The following TENM2 variants were observed in gnomAD, a reference collection of about 807,000 sequenced individuals.
The protein encoded by TENM2 is teneurin-2.
A neutral mutation model predicts 245.2 loss-of-function variants in TENM2; 52 were observed. That is an observed-to-expected ratio of 0.21 (90% CI 0.17 to 0.27). The LOEUF (loss-of-function observed/expected upper bound fraction) is 0.27. Among genes scored for constraint, TENM2 ranks in the 10% least tolerant of loss-of-function variants. The pLI, the probability that TENM2 is intolerant of heterozygous loss-of-function variation, is 1.00. For synonymous variants in TENM2, 1,363 were observed against 1,438.9 expected (o/e 0.95, Z 1.19); for missense variants, 3,046 against 3,666.8 (o/e 0.83, Z 4.37).
chr5:167,894,682 C>A (rs2151479712), intron 3 of TENM2, among the ~76,000 whole-genome samples: 1 of 152,212 alleles, frequency 6.6e-6, no homozygotes. Flanking sequence ...GTGCCCTGCA[C>A]TTAGTATGCA....
chr5:167,610,654 T>C (rs1777420170), intron 2 of TENM2, among the ~76,000 whole-genome samples: 1 of 152,216 alleles, frequency 6.6e-6, no homozygotes. Flanking sequence ...GCTAGAGTGA[T>C]AAGCTTGAGA....
the TENM2 span, among the ~76,000 whole-genome samples, chr5:167,013,299 C>T: frequency 6.6e-6 from 1 of 152,094 alleles, no homozygotes; most frequent in Non-Finnish European, 1.5e-5. Context: ...TACTAATAAT[C>T]AAAACGGGCC....
chr5:167,079,395 C>T, the TENM2 span, among the ~76,000 whole-genome samples: 9 of 150,488 alleles, frequency 6.0e-5, no homozygotes, highest in Non-Finnish European at 1.5e-5. Context: ...CTCACTGCAA[C>T]CTCCGCCTCC....
At chr5:167,719,157 G>A (rs192103467) in intron 2 of TENM2, among the ~76,000 whole-genome samples, 19 of 152,310 alleles carry the variant, frequency 1.2e-4, no homozygotes, top group South Asian at 6.2e-4. Flanking sequence ...AAGTAGATGA[G>A]AAGAAGGAAA....
At chr5:167,864,359 C>T (rs1374229894) in intron 2 of TENM2, among the ~76,000 whole-genome samples, 1 of 152,198 alleles carries the variant, frequency 6.6e-6, no homozygotes, top group Non-Finnish European at 1.5e-5. Context: ...TCAGAAAGTC[C>T]TGTAAGGGGA....
chr5:168,084,429 C>T (rs1200749676), intron 7 of TENM2, among the ~76,000 whole-genome samples: 4 of 152,284 alleles, frequency 2.6e-5, no homozygotes, highest in South Asian at 2.1e-4. Flanking sequence ...TTGTTTTTGA[C>T]TTTTTAATGG....
At chr5:166,997,130 G>T in the TENM2 span, among the ~76,000 whole-genome samples, 1 of 152,114 alleles carries the variant, frequency 6.6e-6, no homozygotes, top group Non-Finnish European at 1.5e-5. Context: ...CCCAGGGCTG[G>T]GATTAGAAAA....
At chr5:167,654,761 G>A (rs1361750332) in intron 2 of TENM2, among the ~76,000 whole-genome samples, 1 of 151,944 alleles carries the variant, frequency 6.6e-6, no homozygotes, top group Non-Finnish European at 1.5e-5. Flanking sequence ...ATGGAATATG[G>A]GGTAGTGAAT....
the TENM2 span, among the ~76,000 whole-genome samples, chr5:167,085,241 T>C: frequency 7.2e-5 from 11 of 152,292 alleles, no homozygotes; most frequent in East Asian, 7.7e-4. Flanking sequence ...AAAGCAAAGA[T>C]GCTGAAATAG....
At chr5:167,779,492 C>T (rs989705011) in intron 2 of TENM2, among the ~76,000 whole-genome samples, 7 of 152,144 alleles carry the variant, frequency 4.6e-5, no homozygotes, top group Non-Finnish European at 1.5e-5. Context: ...TCCCAAAATG[C>T]ACTTCTATGG....
chr5:168,245,430 A>G (rs1191345440), intron 26 of TENM2, among the ~76,000 whole-genome samples: 1 of 152,112 alleles, frequency 6.6e-6, no homozygotes, highest in Non-Finnish European at 1.5e-5. Flanking sequence ...AATTTTGCCT[A>G]AAATTCAAGC....
chr5:167,030,304 G>C, the TENM2 span, among the ~76,000 whole-genome samples: 1 of 152,082 alleles, frequency 6.6e-6, no homozygotes, highest in Non-Finnish European at 1.5e-5. Flanking sequence ...TAAATGTTGG[G>C]AGTTTAAAAT....
At chr5:167,798,641 C>T (rs1250977560) in intron 2 of TENM2, among the ~76,000 whole-genome samples, 9 of 152,172 alleles carry the variant, frequency 5.9e-5, no homozygotes, top group Non-Finnish European at 1.3e-4. Flanking sequence ...TCGCAGACTC[C>T]GCACTTTTGC....
intron 2 of TENM2, among the ~76,000 whole-genome samples, chr5:167,719,927 A>C (rs1759515991): frequency 6.6e-6 from 1 of 152,160 alleles, no homozygotes; most frequent in Non-Finnish European, 1.5e-5. Flanking sequence ...CTTGCTGTAG[A>C]ATGGCATATT....
At chr5:167,790,601 C>T (rs1013112843) in intron 2 of TENM2, among the ~76,000 whole-genome samples, 2 of 152,150 alleles carry the variant, frequency 1.3e-5, no homozygotes, top group South Asian at 4.1e-4. Context: ...AAACAGGGAA[C>T]TGTTCTCGTC....
chr5:167,357,562 G>A (rs777807931), intron 1 of TENM2, among the ~76,000 whole-genome samples: 2 of 151,976 alleles, frequency 1.3e-5, no homozygotes, highest in African/African-American at 4.8e-5. Context: ...GCCCGGCCGA[G>A]CCATCCTTCT....
chr5:167,343,032 T>C (rs553450439), intron 1 of TENM2, among the ~76,000 whole-genome samples: 5 of 152,234 alleles, frequency 3.3e-5, no homozygotes, highest in African/African-American at 1.2e-4. Flanking sequence ...TTTATGTCAG[T>C]ATGGACTCCT....
At chr5:167,997,968 C>T (rs1199684309) in intron 5 of TENM2, among the ~76,000 whole-genome samples, 2 of 152,212 alleles carry the variant, frequency 1.3e-5, no homozygotes, top group East Asian at 1.9e-4. Flanking sequence ...ACTGCAACTC[C>T]ATTTCACAAT....
the TENM2 span, among the ~76,000 whole-genome samples, chr5:167,248,792 ATG>A: frequency 1.7e-4 from 11 of 66,578 alleles, no homozygotes; most frequent in African/African-American, 4.6e-4. Context: ...GTATATATAT[ATG>A]TGTGCGTGTG....
Sources: allele counts gnomAD v4.1 joint callset (sites outside exome capture counted in the v4.1 genomes callset), GRCh38; gene constraint gnomAD v4.1.1; transcripts MANE v1.5; gene names NCBI Gene and HGNC (gene_info 2026-07-23, HGNC 2026-07-21).